The following UNC5A variants were observed in gnomAD, a reference collection of about 807,000 sequenced individuals.
The protein encoded by UNC5A is netrin receptor UNC5A.
A neutral mutation model predicts 87.4 loss-of-function variants in UNC5A; 20 were observed. The observed-to-expected ratio is 0.23, with a 90% CI of 0.16 to 0.33. UNC5A has a LOEUF of 0.33. Among genes scored for constraint, UNC5A ranks in the 10% least tolerant of loss-of-function variants. The probability of loss-of-function intolerance (pLI) is 1.00; values close to 1 mark genes in which losing one functional copy is unlikely to be tolerated. For missense variants in UNC5A, 844 were observed against 1,133.4 expected (o/e 0.74, Z 3.67); for synonymous variants, 438 against 482.3 (o/e 0.91, Z 1.20).
rs1581285792 is a variant in UNC5A at position 176,880,697 on chromosome 5, G to A, written c.*811G>A. 1 of 186,896 alleles carries A rather than the reference G, an allele frequency of 5.4e-6. No individual in the cohort carries two copies. The highest frequency in any genetic ancestry group is 1.1e-5 in the Non-Finnish European group (1 of 90,862). The allele number at this position is 186,896 out of a possible 1,614,324, so 11.6% of individuals were successfully genotyped here. On this transcript the variant is annotated 3_prime_UTR_variant, in exon 15 of 15. Transcript: ENST00000329542. ...TCCCAGGCTGTACAGTGGTGAGTGT[G>A]TGTGTGGCGTGGCGTGCCCGTCCCC...
At position 176,869,866 on chromosome 5, in the gene UNC5A, C is replaced by T; in HGVS notation, c.722-504C>T. On this transcript the variant is annotated intron_variant, in intron 5 of 14. Coordinates refer to ENST00000329542, the MANE Select transcript of UNC5A (RefSeq NM_133369.3). This position sits in a 1 kb window ranked among gnomAD's most constrained non-coding sequence, Gnocchi z 9.1. ...CCATCGCGCCCACCAGCCTGCCCCC[C>T]CATGGCTCCATCCCACCCACCCGCC... The T allele has an allele frequency of 1.7e-6, 1 of 578,348 alleles. No individual in the cohort carries two copies. Among genetic ancestry groups the T allele is most frequent in the Non-Finnish European group, 3.1e-6 (1 of 322,856 alleles). 35.8% of individuals were successfully genotyped at this position (578,348 alleles called of 1,614,324 possible). A position where few individuals can be genotyped will look rare whatever the true frequency, so the allele number is the denominator to read the frequency against.
At chr5:176,830,421 GTGC>G (rs1269791834) in intron 1 of UNC5A, among the ~76,000 whole-genome samples, 1 of 147,662 alleles carries the variant, frequency 6.8e-6, no homozygotes, top group African/African-American at 2.5e-5. Flanking sequence ...GTGCGTGTGT[GTGC>G]TGCTGTGTGC....
At chr5:176,864,019 C>T (rs1757912048) in intron 2 of UNC5A, among the ~76,000 whole-genome samples, 1 of 151,558 alleles carries the variant, frequency 6.6e-6, no homozygotes, top group African/African-American at 2.4e-5. Context: ...CATACCCTGT[C>T]GAGGCACAGC....
chr5:176,827,698 A>G (rs1490440467), intron 1 of UNC5A, among the ~76,000 whole-genome samples: 1 of 152,200 alleles, frequency 6.6e-6, no homozygotes. Flanking sequence ...TACGGTAACT[A>G]TGTTGAACTT....
chr5:176,845,428 C>T (rs1280217897), intron 1 of UNC5A, among the ~76,000 whole-genome samples: 2 of 152,232 alleles, frequency 1.3e-5, no homozygotes, highest in Non-Finnish European at 1.5e-5. Flanking sequence ...ACCTTCCCTA[C>T]CCACCTCCTC....
intron 3 of UNC5A, 77 bp from the exon 4 acceptor site, chr5:176,868,484 A>T: frequency 6.7e-7 from 1 of 1,494,556 alleles, no homozygotes; most frequent in Non-Finnish European, 9.1e-7. Context: ...CGGCCCCTGC[A>T]GGACAAGGGA....
intron 2 of UNC5A, chr5:176,864,718 C>T (rs1757929644): frequency 5.0e-6 from 2 of 399,572 alleles, no homozygotes; most frequent in Non-Finnish European, 1.0e-5. Context: ...CTGCGGTCTT[C>T]AGGTGTTCGC....
chr5:176,828,716 C>T (rs1459043454), intron 1 of UNC5A, among the ~76,000 whole-genome samples: 1 of 152,204 alleles, frequency 6.6e-6, no homozygotes, highest in Non-Finnish European at 1.5e-5. Flanking sequence ...CCAGTTAAAA[C>T]ACACGCTTCT....
chr5:176,833,708 T>A (rs1218997598), intron 1 of UNC5A, among the ~76,000 whole-genome samples: 1 of 149,764 alleles, frequency 6.7e-6, no homozygotes, highest in Non-Finnish European at 1.5e-5. Flanking sequence ...TTATCTTTTT[T>A]CTTTCTTTTT....
At chr5:176,877,402 C>A in intron 9 of UNC5A, 123 bp downstream of exon 9, 1 of 1,331,166 alleles carries the variant, frequency 7.5e-7, no homozygotes, top group Non-Finnish European at 1.0e-6. Flanking sequence ...AGAGCTATGC[C>A]TAAGCCCCAC....
At chr5:176,877,369 C>T in intron 9 of UNC5A, 90 bp downstream of exon 9, 1 of 1,398,872 alleles carries the variant, frequency 7.1e-7, no homozygotes, top group Non-Finnish European at 9.8e-7. Flanking sequence ...CACTGTTGTG[C>T]CTGGCCCGAG....
chr5:176,839,081 C>T (rs1757208136), intron 1 of UNC5A, among the ~76,000 whole-genome samples: 1 of 152,232 alleles, frequency 6.6e-6, no homozygotes, highest in African/African-American at 2.4e-5. Context: ...CAGGTCTCTG[C>T]CTGACCTGCC....
intron 1 of UNC5A, among the ~76,000 whole-genome samples, chr5:176,818,676 T>C (rs551016570): frequency 1.7e-4 from 26 of 152,324 alleles, no homozygotes; most frequent in Admixed American, 5.9e-4. Context: ...CACACCCACC[T>C]TGTGGGCTCT....
In UNC5A at chr5:176,877,740, G is replaced by A. The variant is rs374314240; in HGVS notation, c.1635+37G>A. On this transcript the variant is annotated intron_variant, in intron 10 of 14. Coordinates refer to ENST00000329542, the MANE Select transcript of UNC5A (RefSeq NM_133369.3). ...ACTGACCCGGGCTCCAGAAGGGAACGTGGGCTAACTGCACGCTCCACCCGG... is the reference window on the plus strand; with the variant it reads ...ACTGACCCGGGCTCCAGAAGGGAACATGGGCTAACTGCACGCTCCACCCGG... 54 of 1,560,182 alleles carry A rather than the reference G, an allele frequency of 3.5e-5. No homozygotes were observed. In the African/African-American group the frequency reaches 4.1e-4, roughly 12 times the overall value.
intron 1 of UNC5A, among the ~76,000 whole-genome samples, chr5:176,816,866 G>T (rs1301145626): frequency 6.6e-6 from 1 of 152,240 alleles, no homozygotes; most frequent in Non-Finnish European, 1.5e-5. Context: ...CGGAGCGACT[G>T]GGGAGCCAGG....
intron 1 of UNC5A, among the ~76,000 whole-genome samples, chr5:176,811,877 A>AG (rs1304905892): frequency 6.6e-6 from 1 of 152,098 alleles, no homozygotes; most frequent in East Asian, 1.9e-4. Flanking sequence ...GGGTGTTGGA[A>AG]GGGAGCACTG....
intron 1 of UNC5A, among the ~76,000 whole-genome samples, chr5:176,827,588 G>A (rs551824412): frequency 6.6e-5 from 10 of 152,224 alleles, no homozygotes; most frequent in Admixed American, 2.0e-4. Flanking sequence ...ACCTTTTGGC[G>A]ACTGAATAAG....
chr5:176,864,751 C>A (rs1757930584), intron 2 of UNC5A: 2 of 446,396 alleles, frequency 4.5e-6, no homozygotes, highest in Non-Finnish European at 4.5e-6. Flanking sequence ...CTGTGCCATG[C>A]CTTGGGTTAG....
rs1756804208 is a variant in UNC5A at position 176,824,449 on chromosome 5, C to T, written c.70+13629C>T. Among the ~76,000 whole-genome samples the T allele has an allele frequency of 6.6e-6, 1 of 152,006 alleles. No homozygotes were observed. Among genetic ancestry groups the T allele is most frequent in the South Asian group, 2.1e-4 (1 of 4,794 alleles). On this transcript the variant is annotated intron_variant, in intron 1 of 14. Coordinates refer to ENST00000329542, the MANE Select transcript of UNC5A (RefSeq NM_133369.3). The surrounding 1 kb of genome is among the most constrained non-coding windows in gnomAD (Gnocchi z 4.2). Reference sequence around the variant, plus strand: ...TGTCCTGCACCTGAAAGGGGCCTGACCGAGGATCTTAGGAGAAAGATGATG... The same window carrying T: ...TGTCCTGCACCTGAAAGGGGCCTGATCGAGGATCTTAGGAGAAAGATGATG...
Sources: allele counts gnomAD v4.1 joint callset (sites outside exome capture counted in the v4.1 genomes callset), GRCh38; gene constraint gnomAD v4.1.1; non-coding constraint Gnocchi (gnomAD v3.1); transcripts MANE v1.5; gene names NCBI Gene and HGNC (gene_info 2026-07-23, HGNC 2026-07-21).